EPS15: variants seen among roughly 807,000 people sequenced by gnomAD.
EPS15 encodes epidermal growth factor receptor substrate 15.
EPS15 carries 72 observed loss-of-function variants against 113.8 expected under a neutral mutation model. The observed-to-expected ratio is 0.63, with a 90% CI of 0.52 to 0.77. The LOEUF is 0.77. EPS15 is among the 30% of genes least tolerant of loss of function. The probability of loss-of-function intolerance (pLI) is 0.00; values close to 1 mark genes in which losing one functional copy is unlikely to be tolerated. For synonymous variants in EPS15, 344 were observed against 363.4 expected, an observed-to-expected ratio of 0.95 and a Z score of 0.61; for missense variants, 1,048 against 1,045.8, an observed-to-expected ratio of 1.00 and a Z score of -0.03.
intron 21 of EPS15, among the ~76,000 whole-genome samples, chr1:51,378,414 T>C (rs1045936977): frequency 6.6e-6 from 1 of 152,088 alleles, no homozygotes; most frequent in African/African-American, 2.4e-5. Flanking sequence ...CCTAGCACTT[T>C]AGGAGACTGA....
chr1:51,398,037 A>T (rs986232526), intron 20 of EPS15, among the ~76,000 whole-genome samples: 4 of 152,120 alleles, frequency 2.6e-5, no homozygotes, highest in African/African-American at 9.7e-5. Context: ...GTATTTCTAA[A>T]TATCCACAAG....
At chr1:51,371,587 GTA>G (rs1410904859) in intron 21 of EPS15, among the ~76,000 whole-genome samples, 2 of 151,944 alleles carry the variant, frequency 1.3e-5, no homozygotes, top group Non-Finnish European at 2.9e-5. Flanking sequence ...TTGTACAGCT[GTA>G]TAGTGTTTTA....
At chr1:51,445,273 G>T (rs1428582530) in intron 10 of EPS15, among the ~76,000 whole-genome samples, 1 of 152,136 alleles carries the variant, frequency 6.6e-6, no homozygotes, top group African/African-American at 2.4e-5. Flanking sequence ...TCTAATCTGG[G>T]TTTACACTTT....
intron 19 of EPS15, 85 bp downstream of exon 19, chr1:51,400,833 G>T: frequency 1.3e-6 from 1 of 759,024 alleles, no homozygotes; most frequent in Non-Finnish European, 2.1e-6. Flanking sequence ...TCTTACTGGG[G>T]CTTCAGTTTC....
At chr1:51,475,506 G>A (rs1474494441) in intron 2 of EPS15, among the ~76,000 whole-genome samples, 4 of 152,040 alleles carry the variant, frequency 2.6e-5, no homozygotes, top group South Asian at 2.1e-4. Flanking sequence ...CATATCCTTC[G>A]CCTACTTTTT....
intron 21 of EPS15, among the ~76,000 whole-genome samples, chr1:51,369,121 T>G (rs1646581270): frequency 6.6e-6 from 1 of 152,236 alleles, no homozygotes; most frequent in Non-Finnish European, 1.5e-5. Context: ...AAGCATATAT[T>G]GTGAACAAAA....
chr1:51,496,618 T>C (rs1247306509), intron 1 of EPS15, among the ~76,000 whole-genome samples: 1 of 152,240 alleles, frequency 6.6e-6, no homozygotes, highest in Non-Finnish European at 1.5e-5. Context: ...CTTTCGGCAA[T>C]TATGCCCAGA....
chr1:51,463,398 G>A (rs1654621686), intron 7 of EPS15: 2 of 227,294 alleles, frequency 8.8e-6, no homozygotes, highest in Middle Eastern at 1.6e-3. Context: ...GCAAATAGGA[G>A]GTCAAGAGTG....
chr1:51,376,071 C>G (rs934780538), intron 21 of EPS15, among the ~76,000 whole-genome samples: 7 of 152,216 alleles, frequency 4.6e-5, no homozygotes, highest in African/African-American at 1.7e-4. Flanking sequence ...CAGTCTTCTA[C>G]TGGAAGAAAA....
chr1:51,424,068 G>T (rs1443384179), intron 12 of EPS15, among the ~76,000 whole-genome samples: 1 of 151,944 alleles, frequency 6.6e-6, no homozygotes, highest in African/African-American at 2.4e-5. Flanking sequence ...TTTAACTTTT[G>T]ATTCATGTTT....
chr1:51,444,974 C>T lies in EPS15; in HGVS notation c.869G>A (p.Ser290Asn). Residue 290 changes from serine (S) to asparagine (N), a missense_variant, in exon 11 of 25, where the codon AGT becomes AAT. By Grantham distance (46) the Ser-to-Asn change is conservative. Transcript: ENST00000371733. ...DQFALAFHLI[S>N]QKLIKGIDPP... ...ATCAATGCCCTTGATTAACTTCTGA[C>T]TGATTAAGTGAAAAGCCAAGGCAAA... 1.2e-6 allele frequency: 2 copies of T among 1,613,974 alleles called. No individual in the cohort carries two copies. The highest frequency in any genetic ancestry group is 1.7e-6 in the Non-Finnish European group (2 of 1,179,922).
At chr1:51,447,815 C>A (rs114298510) in intron 9 of EPS15, 6,834 of 198,430 alleles carry the variant, frequency 0.034, 175 homozygotes, top group Non-Finnish European at 0.048. Context: ...TATGCAGGTT[C>A]AACGAGATGG....
chr1:51,394,312 G>A (rs1647686510), intron 21 of EPS15, 69 bp downstream of exon 21: 4 of 936,970 alleles, frequency 4.3e-6, no homozygotes. Flanking sequence ...AATATATTTA[G>A]AGACAAAGAA....
At chr1:51,386,904 T>C (rs1647093228) in intron 21 of EPS15, among the ~76,000 whole-genome samples, 1 of 152,136 alleles carries the variant, frequency 6.6e-6, no homozygotes, top group Admixed American at 6.5e-5. Flanking sequence ...TGCAGGATAT[T>C]ATCCAGGAGA....
Position 51,356,658 on chromosome 1 carries a change from G to A in EPS15, c.*42C>T, listed in dbSNP as rs768054926. On this transcript the variant is annotated 3_prime_UTR_variant, in exon 25 of 25. Transcript: ENST00000371733. ...CATTGTAAATAGTTTCAGTATTCAG[G>A]AAGAAGAATACTATATTGTTGCCAA... 2 of 1,552,788 alleles carry A rather than the reference G, an allele frequency of 1.3e-6. No homozygotes were observed. The highest frequency in any genetic ancestry group is 1.8e-6 in the Non-Finnish European group (2 of 1,135,884).
chr1:51,409,122 T>C (rs571023145), intron 14 of EPS15, among the ~76,000 whole-genome samples: 7 of 152,214 alleles, frequency 4.6e-5, no homozygotes, highest in African/African-American at 1.7e-4. Context: ...GATTTCTCCA[T>C]GTTTCCCAGG....
chr1:51,359,675 T>C (rs1350979234), intron 24 of EPS15, among the ~76,000 whole-genome samples: 2 of 151,804 alleles, frequency 1.3e-5, no homozygotes, highest in Non-Finnish European at 2.9e-5. Context: ...GGAGAATTGC[T>C]TGAACCTGGG....
intron 2 of EPS15, among the ~76,000 whole-genome samples, chr1:51,477,027 T>A (rs535053055): frequency 2.6e-5 from 4 of 152,242 alleles, no homozygotes; most frequent in Non-Finnish European, 5.9e-5. Context: ...TCAGAAAGAA[T>A]GGTACCAGCT....
chr1:51,445,761 TC>T (rs1354247738), intron 10 of EPS15, among the ~76,000 whole-genome samples: 2 of 152,332 alleles, frequency 1.3e-5, no homozygotes, highest in East Asian at 3.9e-4. Context: ...GATCTTAAAT[TC>T]CAGCTTTTCT....
Sources: allele counts gnomAD v4.1 joint callset (sites outside exome capture counted in the v4.1 genomes callset), GRCh38; gene constraint gnomAD v4.1.1; transcripts MANE v1.5; gene names NCBI Gene and HGNC (gene_info 2026-07-23, HGNC 2026-07-21).